Variants in ROBO1 observed in about 807,000 individuals in gnomAD.
ROBO1 encodes roundabout homolog 1.
A neutral mutation model predicts 195.9 loss-of-function variants in ROBO1; 149 were observed. The observed-to-expected ratio is 0.76, with a 90% CI of 0.67 to 0.87. ROBO1 has a LOEUF of 0.87. Among genes scored for constraint, ROBO1 ranks in the 40% least tolerant of loss-of-function variants. The pLI is 0.00. For missense variants in ROBO1, 1,933 were observed against 2,068.3 expected, an observed-to-expected ratio of 0.93 and a Z score of 1.27; for synonymous variants, 816 against 733.2, an observed-to-expected ratio of 1.11 and a Z score of -1.82.
At chr3:79,758,679 T>A (rs866505037) in intron 1 of ROBO1, among the ~76,000 whole-genome samples, 2 of 152,068 alleles carry the variant, frequency 1.3e-5, no homozygotes, top group South Asian at 4.1e-4. Flanking sequence ...GGGAAGGCAA[T>A]GAGTTGGAAA....
At chr3:78,612,364 T>C (rs953982977) in intron 28 of ROBO1, among the ~76,000 whole-genome samples, 1 of 152,186 alleles carries the variant, frequency 6.6e-6, no homozygotes, top group African/African-American at 2.4e-5. Flanking sequence ...TTTTTCTTCC[T>C]CTCCCTTCTC....
chr3:79,243,291 C>G (rs1251667188), intron 2 of ROBO1, among the ~76,000 whole-genome samples: 1 of 152,086 alleles, frequency 6.6e-6, no homozygotes, highest in Non-Finnish European at 1.5e-5. Context: ...CCGCTATAAA[C>G]ATACGTGTGC....
At chr3:79,320,033 C>T (rs1397684020) in intron 2 of ROBO1, among the ~76,000 whole-genome samples, 2 of 152,120 alleles carry the variant, frequency 1.3e-5, no homozygotes, top group South Asian at 2.1e-4. Context: ...CATGGAGAAA[C>T]ATATGTAATG....
At chr3:79,074,563 G>A (rs950203262) in intron 3 of ROBO1, among the ~76,000 whole-genome samples, 1 of 151,360 alleles carries the variant, frequency 6.6e-6, no homozygotes, top group Non-Finnish European at 1.5e-5. Context: ...GACCACAGAC[G>A]CATGCCACCA....
chr3:78,618,530 T>A (rs1704260754), intron 26 of ROBO1, among the ~76,000 whole-genome samples: 1 of 152,100 alleles, frequency 6.6e-6, no homozygotes, highest in Admixed American at 6.5e-5. Context: ...TCATCTTCAC[T>A]ATAAAGAGTA....
At chr3:78,613,372 C>T (rs887544989) in intron 28 of ROBO1, among the ~76,000 whole-genome samples, 3 of 152,084 alleles carry the variant, frequency 2.0e-5, no homozygotes, top group Admixed American at 2.0e-4. Flanking sequence ...TTCTGGTGGT[C>T]CCATAAATGT....
At chr3:79,463,699 T>C (rs1395301515) in intron 2 of ROBO1, among the ~76,000 whole-genome samples, 2 of 152,186 alleles carry the variant, frequency 1.3e-5, no homozygotes, top group African/African-American at 2.4e-5. Context: ...ATTGTTCTCA[T>C]TAAAGGAATA....
intron 1 of ROBO1, among the ~76,000 whole-genome samples, chr3:79,731,455 G>A (rs1263140709): frequency 6.6e-6 from 1 of 152,034 alleles, no homozygotes; most frequent in Non-Finnish European, 1.5e-5. Flanking sequence ...AGCCTAACTA[G>A]GTGATTTGGT....
intron 3 of ROBO1, among the ~76,000 whole-genome samples, chr3:79,125,042 T>C (rs1399227335): frequency 1.3e-5 from 2 of 152,122 alleles, no homozygotes; most frequent in East Asian, 1.9e-4. Context: ...CTTTCTTTTG[T>C]TTTTAAGACT....
chr3:79,372,713 C>T (rs1416007361), intron 2 of ROBO1, among the ~76,000 whole-genome samples: 2 of 152,124 alleles, frequency 1.3e-5, no homozygotes, highest in East Asian at 1.9e-4. Context: ...AATTTACCAG[C>T]ATCTTGATCT....
intron 5 of ROBO1, among the ~76,000 whole-genome samples, chr3:78,742,818 G>A (rs1221572946): frequency 6.6e-6 from 1 of 152,128 alleles, no homozygotes; most frequent in African/African-American, 2.4e-5. Context: ...CTTGTTGTAG[G>A]TGGTTCTTAC....
At chr3:78,888,673 C>T (rs1328611940) in intron 4 of ROBO1, among the ~76,000 whole-genome samples, 2 of 152,102 alleles carry the variant, frequency 1.3e-5, no homozygotes, top group Admixed American at 1.3e-4. Flanking sequence ...CTCTGGGTTG[C>T]TTTTTTGTCT....
At position 78,639,862 on chromosome 3, in the gene ROBO1, C is replaced by A. The variant is rs1349902354; in HGVS notation, c.2919G>T (p.Gln973His). 6.2e-7 allele frequency: 1 copy of A among 1,609,712 alleles called. No individual in the cohort carries two copies. Among genetic ancestry groups the A allele is most frequent in the Non-Finnish European group, 8.5e-7 (1 of 1,177,392 alleles). Residue 973 changes from glutamine (Q) to histidine (H), a missense_variant, in exon 22 of 31, where the codon CAG (glutamine) becomes CAT (histidine). Physicochemically the swap from Gln to His is conservative, Grantham distance 24. This residue lies in a region of ROBO1 where 1,737 missense variants were observed against 1,882.5 expected (regional missense o/e 0.92). Coordinates refer to ENST00000464233, the MANE Select transcript of ROBO1 (RefSeq NM_002941.4). ...TAGGCCACGTGTCTGCCAGCCATGGCTGCGCGGCAGGTTCACTGATGTTGA... is the reference window on the plus strand; with the variant it reads ...TAGGCCACGTGTCTGCCAGCCATGGATGCGCGGCAGGTTCACTGATGTTGA... The part of the protein sequence containing the change: ...GLLNISEPAA[Q>H]PWLADTWPNT...
intron 4 of ROBO1, among the ~76,000 whole-genome samples, chr3:78,821,927 T>A (rs1042207475): frequency 6.6e-6 from 1 of 151,968 alleles, no homozygotes; most frequent in Non-Finnish European, 1.5e-5. Context: ...GAAGAAGCAG[T>A]AGTGGTAGCA....
At chr3:78,810,100 T>C (rs554337313) in intron 4 of ROBO1, among the ~76,000 whole-genome samples, 1 of 152,146 alleles carries the variant, frequency 6.6e-6, no homozygotes, top group South Asian at 2.1e-4. Context: ...GACGCAAAAA[T>C]GTAAGACATA....
intron 22 of ROBO1, among the ~76,000 whole-genome samples, chr3:78,636,600 A>G (rs1705516196): frequency 6.6e-6 from 1 of 152,080 alleles, no homozygotes; most frequent in Non-Finnish European, 1.5e-5. Context: ...TTTATAAAAT[A>G]CCTACATTTA....
intron 2 of ROBO1, among the ~76,000 whole-genome samples, chr3:79,544,948 G>A (rs963782073): frequency 1.3e-5 from 2 of 151,948 alleles, no homozygotes; most frequent in East Asian, 3.9e-4. Flanking sequence ...AAACACAAAG[G>A]AAACTCAAGG....
chr3:79,002,881 C>T (rs1036574348), intron 3 of ROBO1, among the ~76,000 whole-genome samples: 2 of 152,036 alleles, frequency 1.3e-5, no homozygotes, highest in Admixed American at 6.6e-5. Context: ...CACTGTATTG[C>T]TCCAGGACTC....
At chr3:79,162,012 A>T (rs886108796) in intron 2 of ROBO1, among the ~76,000 whole-genome samples, 1 of 152,150 alleles carries the variant, frequency 6.6e-6, no homozygotes, top group African/African-American at 2.4e-5. Context: ...AAATAAATTT[A>T]GTTGAGTAAT....
Sources: gnomAD v4.1 joint callset for allele counts (sites outside exome capture counted in the v4.1 genomes callset) on GRCh38, gnomAD v4.1.1 for gene constraint, gnomAD v4.1.1 regional missense constraint, MANE v1.5 for transcripts, NCBI Gene and HGNC (gene_info 2026-07-23, HGNC 2026-07-21) for gene names.